The following ROR1 variants were observed in gnomAD, a reference collection of about 807,000 sequenced individuals.
ROR1 encodes inactive tyrosine-protein kinase transmembrane receptor ROR1.
A neutral mutation model predicts 78.8 loss-of-function variants in ROR1; 19 were observed. That is an observed-to-expected ratio of 0.24 (90% CI 0.17 to 0.35). The LOEUF (loss-of-function observed/expected upper bound fraction) is 0.35, where lower values mean the gene tolerates loss of function less well. Ranked by LOEUF, ROR1 falls within the 10% of genes least tolerant of loss-of-function variation. The pLI is 1.00. For missense variants in ROR1, 917 were observed against 1,177.8 expected, an observed-to-expected ratio of 0.78 and a Z score of 3.24; for synonymous variants, 386 against 433.6, an observed-to-expected ratio of 0.89 and a Z score of 1.36.
At chr1:64,097,426 G>C (rs936845818) in intron 4 of ROR1, among the ~76,000 whole-genome samples, 10 of 152,120 alleles carry the variant, frequency 6.6e-5, no homozygotes, top group African/African-American at 2.4e-4. Flanking sequence ...AATGCCATCT[G>C]CAGCCTTAAT....
At chr1:64,042,349 GTAGGTATCATTA>G (rs1350317849) in intron 2 of ROR1, among the ~76,000 whole-genome samples, 3 of 152,176 alleles carry the variant, frequency 2.0e-5, no homozygotes, top group Admixed American at 6.5e-5. Flanking sequence ...TCCCTAATGG[GTAGGTATCATTA>G]TTAGCCCATT....
rs376330395 is a variant in ROR1 at position 63,807,041 on chromosome 1, G to A, written c.91+32533G>A. Among the ~76,000 whole-genome samples, 8 of 152,220 alleles carry A rather than the reference G, an allele frequency of 5.3e-5. No individual in the cohort carries two copies. The South Asian group carries it at 1.7e-3, about 32-fold the overall frequency. ...TGTCCTAGGAGGTTTTAGATCTCACGGTTCTAATTTAGTTTCTCAGAGTCT... is the reference window on the plus strand; with the variant it reads ...TGTCCTAGGAGGTTTTAGATCTCACAGTTCTAATTTAGTTTCTCAGAGTCT... On this transcript the variant is annotated intron_variant, in intron 1 of 8. Transcript: ENST00000371079.
intron 1 of ROR1, among the ~76,000 whole-genome samples, chr1:63,957,284 A>C (rs1314174374): frequency 1.3e-5 from 2 of 152,110 alleles, no homozygotes; most frequent in African/African-American, 4.8e-5. Context: ...CAACTGCAGG[A>C]TCTTTGGGTA....
At chr1:64,007,828 A>G (rs948060687) in intron 1 of ROR1, among the ~76,000 whole-genome samples, 6 of 152,168 alleles carry the variant, frequency 3.9e-5, no homozygotes, top group African/African-American at 1.4e-4. Context: ...AGGCTATTAA[A>G]TTTATTAGTC....
In ROR1 at chr1:63,910,153, C is replaced by A. The variant is rs911425029; in HGVS notation, c.92-99152C>A. 1.8e-4 allele frequency among the ~76,000 whole-genome samples: 27 copies of A among 152,304 alleles called. 1 individual carries two copies. The highest frequency in any genetic ancestry group is 1.0e-3 in the Admixed American group (16 of 15,292). On this transcript the variant is annotated intron_variant, in intron 1 of 8. Transcript: ENST00000371079. ...TCTTGTACATCTTTGCACTCTCCAACAGTGCTACATTTAACAGGTACTAGC... is the reference window on the plus strand; with the variant it reads ...TCTTGTACATCTTTGCACTCTCCAAAAGTGCTACATTTAACAGGTACTAGC...
intron 2 of ROR1, among the ~76,000 whole-genome samples, chr1:64,026,835 T>A (rs1646614948): frequency 6.6e-6 from 1 of 152,174 alleles, no homozygotes; most frequent in Non-Finnish European, 1.5e-5. Context: ...CACCTGCCAC[T>A]GGGTCCCTCC....
At chr1:63,791,718 A>G (rs888800853) in intron 1 of ROR1, among the ~76,000 whole-genome samples, 1 of 152,140 alleles carries the variant, frequency 6.6e-6, no homozygotes, top group African/African-American at 2.4e-5. Context: ...TCTGGGGATA[A>G]GAGGTCTTAG....
At chr1:63,808,461 A>C (rs1323059026) in intron 1 of ROR1, among the ~76,000 whole-genome samples, 1 of 152,200 alleles carries the variant, frequency 6.6e-6, no homozygotes, top group African/African-American at 2.4e-5. Flanking sequence ...TCTTGTTTAA[A>C]CTTTTCTACC....
At chr1:64,143,305 GAGCCCAGGGGTTCAAGACC>G (rs1649381067) in intron 7 of ROR1, 1 of 953,002 alleles carries the variant, frequency 1.0e-6, no homozygotes, top group South Asian at 4.8e-5. Context: ...AGGATCATTT[GAGCCCAGGGGTTCAAGACC>G]AGCCCAGGCA....
chr1:64,141,943 A>T (rs2100712368), intron 6 of ROR1, among the ~76,000 whole-genome samples: 1 of 152,252 alleles, frequency 6.6e-6, no homozygotes, highest in Admixed American at 6.5e-5. Flanking sequence ...CACTTTTGTT[A>T]GAAACCCAGA....
intron 1 of ROR1, among the ~76,000 whole-genome samples, chr1:63,877,496 T>TA (rs1350033362): frequency 6.6e-6 from 1 of 152,124 alleles, no homozygotes; most frequent in Non-Finnish European, 1.5e-5. Flanking sequence ...TTTTAGCCTA[T>TA]ACTTTTTACT....
intron 1 of ROR1, among the ~76,000 whole-genome samples, chr1:63,973,050 T>A (rs766852199): frequency 2.6e-5 from 4 of 152,168 alleles, no homozygotes; most frequent in Non-Finnish European, 5.9e-5. Flanking sequence ...CTGCTGCTTC[T>A]CTCCTTCTCC....
intron 4 of ROR1, among the ~76,000 whole-genome samples, chr1:64,118,351 G>C (rs118032963): frequency 2.6e-5 from 4 of 151,780 alleles, no homozygotes; most frequent in African/African-American, 7.3e-5. Context: ...GGACCTGGCC[G>C]GGTGCTGTGG....
chr1:63,987,268 C>T (rs1646260330), intron 1 of ROR1, among the ~76,000 whole-genome samples: 1 of 152,180 alleles, frequency 6.6e-6, no homozygotes, highest in South Asian at 2.1e-4. Context: ...CCATGTTGTA[C>T]TGGTTCTTAA....
At chr1:64,085,639 A>C (rs1647146338) in intron 4 of ROR1, among the ~76,000 whole-genome samples, 1 of 152,204 alleles carries the variant, frequency 6.6e-6, no homozygotes, top group South Asian at 2.1e-4. Context: ...GCAGGACTAA[A>C]GATAATATAG....
At position 63,923,746 on chromosome 1, in the gene ROR1, G is replaced by A. The variant is rs11812080; in HGVS notation, c.92-85559G>A. The stretch of plus-strand genomic sequence containing the variant: ...ATTCGCTTTTGTAAAACTCTTCAGC[G>A]GTTTCCAATTGCACTTTGAATCAAT... On this transcript the variant is annotated intron_variant, in intron 1 of 8. Transcript: ENST00000371079. 6.3e-3 allele frequency among the ~76,000 whole-genome samples: 960 copies of A among 151,530 alleles called. 7 individuals are homozygous for A. The highest frequency in any genetic ancestry group is 0.02 in the African/African-American group (832 of 41,282).
At chr1:63,959,854 C>G (rs1557583563) in intron 1 of ROR1, among the ~76,000 whole-genome samples, 1 of 152,192 alleles carries the variant, frequency 6.6e-6, no homozygotes, top group African/African-American at 2.4e-5. Flanking sequence ...AGTCCAGACA[C>G]TTGCACCAGC....
intron 7 of ROR1, among the ~76,000 whole-genome samples, chr1:64,152,857 T>A (rs1198787543): frequency 6.6e-6 from 1 of 152,196 alleles, no homozygotes; most frequent in Non-Finnish European, 1.5e-5. Context: ...CAATTTGATG[T>A]TGATTGACTG....
intron 1 of ROR1, among the ~76,000 whole-genome samples, chr1:63,852,793 A>G (rs1191352159): frequency 6.6e-6 from 1 of 152,170 alleles, no homozygotes; most frequent in African/African-American, 2.4e-5. Flanking sequence ...CACATGTATT[A>G]ACCATGGGAA....
Sources: gnomAD v4.1 joint callset for allele counts (sites outside exome capture counted in the v4.1 genomes callset) on GRCh38, gnomAD v4.1.1 for gene constraint, MANE v1.5 for transcripts, NCBI Gene and HGNC (gene_info 2026-07-23, HGNC 2026-07-21) for gene names.